Variants in ZNF264 observed in about 807,000 individuals in gnomAD.
ZNF264 encodes zinc finger protein 264.
ZNF264 carries 11 observed loss-of-function variants against 11.2 expected under a neutral mutation model. The ratio of observed to expected loss-of-function variants is 0.98; its 90% confidence interval spans 0.62 to 1.63. ZNF264 has a LOEUF of 1.63. ZNF264 is among the 40% of genes most tolerant of loss of function. The pLI is 0.00. For synonymous variants in ZNF264, 309 were observed against 279.8 expected (o/e 1.10, Z -1.04); for missense variants, 752 against 768.1 (o/e 0.98, Z 0.25).
chr19:57,213,351 T>C lies in ZNF264; in HGVS notation c.*370T>C, dbSNP rs1324833842. 1.1e-5 allele frequency: 2 copies of C among 174,104 alleles called. No homozygotes were observed. The highest frequency in any genetic ancestry group is 2.5e-5 in the Non-Finnish European group (2 of 80,210). The allele number at this position is 174,104 out of a possible 1,614,324, so 10.8% of individuals were successfully genotyped here. ...TGTATGTACATTTATTGCTATCCAGTGTCAGAACAGTTAGTTTAGGAAAAG... is the reference window on the plus strand; with the variant it reads ...TGTATGTACATTTATTGCTATCCAGCGTCAGAACAGTTAGTTTAGGAAAAG... On this transcript the variant is annotated 3_prime_UTR_variant, in exon 4 of 4. Transcript: ENST00000263095.
chr19:57,199,987 T>C (rs2087239170), intron 2 of ZNF264, among the ~76,000 whole-genome samples: 1 of 132,088 alleles, frequency 7.6e-6, no homozygotes, highest in Non-Finnish European at 1.6e-5. Context: ...CTTCTGCCTA[T>C]TAAACCTCCA....
rs187293127 is a variant in ZNF264, at chr19:57,220,447, A to G, written c.*7466A>G. The G allele has an allele frequency of 6.6e-6, 1 of 152,274 alleles. No individual in the cohort carries two copies. The highest frequency in any genetic ancestry group is 1.9e-4 in the East Asian group (1 of 5,172). 9.4% of individuals were successfully genotyped at this position (152,274 alleles called of 1,614,324 possible). A position where few individuals can be genotyped will look rare whatever the true frequency, so the allele number is the denominator to read the frequency against. ...CTTTAGGAGTGTTTGAAGTGCCTAA[A>G]GATCAGGGTGAATTTCCCAAATTTG... On this transcript the variant is annotated 3_prime_UTR_variant, in exon 4 of 4. Transcript: ENST00000263095.
chr19:57,192,200 C>T (rs1019639284), intron 1 of ZNF264: 1 of 435,220 alleles, frequency 2.3e-6, no homozygotes, highest in Non-Finnish European at 3.1e-6. Context: ...CAAGCATTCT[C>T]TGGTGGACCA....
intron 3 of ZNF264, among the ~76,000 whole-genome samples, chr19:57,210,156 C>G (rs2087324071): frequency 6.6e-6 from 1 of 152,162 alleles, no homozygotes; most frequent in African/African-American, 2.4e-5. Flanking sequence ...CTTTCTGTCT[C>G]TTTAGACTAC....
At chr19:57,197,466 A>T (rs889907886) in intron 2 of ZNF264, among the ~76,000 whole-genome samples, 2 of 151,796 alleles carry the variant, frequency 1.3e-5, no homozygotes, top group Non-Finnish European at 2.9e-5. Context: ...TGATTCACCT[A>T]TGGGGGCCTG....
chr19:57,211,131 G>T (rs182689969), intron 3 of ZNF264, among the ~76,000 whole-genome samples: 1 of 152,102 alleles, frequency 6.6e-6, no homozygotes, highest in Admixed American at 6.5e-5. Flanking sequence ...ACGAACAGAC[G>T]CATTGTCTCC....
rs1036413952 is a variant in ZNF264, at chr19:57,219,355, C to G, written c.*6374C>G. The G allele has an allele frequency of 6.6e-6, 1 of 152,182 alleles. No homozygotes were observed. Among genetic ancestry groups the G allele is most frequent in the Non-Finnish European group, 1.5e-5 (1 of 68,050 alleles). 9.4% of individuals were successfully genotyped at this position (152,182 alleles called of 1,614,324 possible). A position where few individuals can be genotyped will look rare whatever the true frequency, so the allele number is the denominator to read the frequency against. On this transcript the variant is annotated 3_prime_UTR_variant, in exon 4 of 4. Coordinates refer to ENST00000263095, the MANE Select transcript of ZNF264 (RefSeq NM_003417.5). ...GATAACCAGATTTTTCCCCCATAAT[C>G]TGTATCTGTATTCAAGTCTCTATCC...
At chr19:57,202,068 G>T (rs1599948768) in intron 2 of ZNF264, among the ~76,000 whole-genome samples, 1 of 151,744 alleles carries the variant, frequency 6.6e-6, no homozygotes. Flanking sequence ...AATTATCTGG[G>T]CGTGGTGGCA....
At chr19:57,192,363 C>T (rs2087180115) in intron 1 of ZNF264, 2 of 985,248 alleles carry the variant, frequency 2.0e-6, no homozygotes, top group African/African-American at 3.5e-5. Context: ...CCTGCGGCCG[C>T]TGAGACGTGG....
chr19:57,192,687 C>G (rs8107486), intron 1 of ZNF264: 18 of 460,338 alleles, frequency 3.9e-5, no homozygotes, highest in African/African-American at 3.6e-4. Flanking sequence ...CAGTGCCGCT[C>G]TGTGGGGTCA....
rs1887012371 is a variant in ZNF264 at position 57,191,838 on chromosome 19, G to C, written c.-76G>C. On this transcript the variant is annotated 5_prime_UTR_variant, in exon 1 of 4. Coordinates refer to ENST00000263095, the MANE Select transcript of ZNF264 (RefSeq NM_003417.5). ...CCTGGAAGCCCCGGGCAACCGGCCA[G>C]GGTCGGGCACAGGTGGGGTCCGTCA... 6 of 1,191,736 alleles carry C rather than the reference G, an allele frequency of 5.0e-6. No homozygotes were observed. The Admixed American group carries it at 1.2e-4, about 25-fold the overall frequency. The allele number at this position is 1,191,736 out of a possible 1,614,324, so 73.8% of individuals were successfully genotyped here.
rs150045523 is a variant in ZNF264, at chr19:57,202,474, A to G, written c.161-2923A>G. ...TAGCCCTTTTGTTAAAATGCTGGGT[A>G]TGTTAGGCCTCAGGGTCAGGCCTCT... is the stretch of plus-strand genomic sequence containing the variant. On this transcript the variant is annotated intron_variant, in intron 2 of 3. Transcript: ENST00000263095. 4.9e-4 allele frequency among the ~76,000 whole-genome samples: 74 copies of G among 151,914 alleles called. No individual in the cohort carries two copies. In the Middle Eastern group the frequency reaches 0.031, roughly 63 times the overall value.
chr19:57,205,550 C>A, intron 3 of ZNF264, 58 bp downstream of exon 3: 1 of 1,467,020 alleles, frequency 6.8e-7, no homozygotes, highest in Non-Finnish European at 9.4e-7. Context: ...TGGATGGAGA[C>A]CACTGGCCCT....
At chr19:57,195,182 A>G (rs1403533936) in intron 2 of ZNF264, among the ~76,000 whole-genome samples, 1 of 152,236 alleles carries the variant, frequency 6.6e-6, no homozygotes, top group Non-Finnish European at 1.5e-5. Flanking sequence ...TGCTTAACAT[A>G]ATACAAGTAT....
At chr19:57,193,329 A>C (rs1161811837) in intron 1 of ZNF264, among the ~76,000 whole-genome samples, 1 of 152,226 alleles carries the variant, frequency 6.6e-6, no homozygotes, top group African/African-American at 2.4e-5. Flanking sequence ...TGAGCATTGA[A>C]TACTTTAAAT....
intron 2 of ZNF264, among the ~76,000 whole-genome samples, chr19:57,196,448 A>T (rs1002414600): frequency 1.3e-5 from 2 of 151,864 alleles, no homozygotes; most frequent in African/African-American, 4.9e-5. Context: ...GATCACCCCG[A>T]GGGATGGTTC....
rs533398856 is a variant in ZNF264, at chr19:57,208,660, G to A, written c.257-2694G>A. 2.0e-5 allele frequency among the ~76,000 whole-genome samples: 3 copies of A among 152,328 alleles called. No individual in the cohort carries two copies. In the South Asian group the frequency reaches 6.2e-4, roughly 32 times the overall value. ...AGTGATACTGTGGATATTCATATAT[G>A]TATTTCATTTTCCACTTGTGGAGGT... is the stretch of plus-strand genomic sequence containing the variant. On this transcript the variant is annotated intron_variant, in intron 3 of 3. Transcript: ENST00000263095.
intron 2 of ZNF264, among the ~76,000 whole-genome samples, chr19:57,202,684 G>A (rs1255990304): frequency 6.6e-6 from 1 of 151,854 alleles, no homozygotes; most frequent in Admixed American, 6.6e-5. Context: ...GAAGCTCTGT[G>A]CCCCTTCCGC....
Position 57,221,627 on chromosome 19 carries a change from A to G in ZNF264, c.*8646A>G, listed in dbSNP as rs943246963. ...CTTATTTAAGTTCCATCTGGTACTT[A>G]TGACAACACATGCTATATGTCCACT... On this transcript the variant is annotated 3_prime_UTR_variant, in exon 4 of 4. Transcript: ENST00000263095. 1 of 152,242 alleles carries G rather than the reference A, an allele frequency of 6.6e-6. No individual in the cohort carries two copies. The highest frequency in any genetic ancestry group is 1.9e-4 in the East Asian group (1 of 5,194). The allele number at this position is 152,242 out of a possible 1,614,324, so 9.4% of individuals were successfully genotyped here.
Sources: gnomAD v4.1 joint callset for allele counts (sites outside exome capture counted in the v4.1 genomes callset) on GRCh38, gnomAD v4.1.1 for gene constraint, MANE v1.5 for transcripts, NCBI Gene and HGNC (gene_info 2026-07-23, HGNC 2026-07-21) for gene names.